Variants in CORO2B observed in about 807,000 individuals in gnomAD.
The protein encoded by CORO2B is coronin-2B.
CORO2B carries 26 observed loss-of-function variants against 58.8 expected under a neutral mutation model. The ratio of observed to expected loss-of-function variants is 0.44; its 90% CI spans 0.32 to 0.61. The LOEUF is 0.61. Ranked by LOEUF, CORO2B falls within the 20% of genes least tolerant of loss-of-function variation. The pLI, the probability that CORO2B is intolerant of heterozygous loss-of-function variation, is 0.04. For missense variants in CORO2B, 460 were observed against 645.1 expected (o/e 0.71, Z 3.11); for synonymous variants, 242 against 253.8 (o/e 0.95, Z 0.44).
At chr15:68,566,348 G>T in the CORO2B span, among the ~76,000 whole-genome samples, 19 of 152,162 alleles carry the variant, frequency 1.2e-4, no homozygotes, top group Non-Finnish European at 2.5e-4. Context: ...CACAGCTAGA[G>T]AGTAGGAGAA....
At chr15:68,549,387 T>G in the CORO2B span, among the ~76,000 whole-genome samples, 4 of 151,800 alleles carry the variant, frequency 2.6e-5, no homozygotes, top group Admixed American at 2.0e-4. Context: ...TTTTTTTAAT[T>G]GGTTGGTTGG....
At chr15:68,615,080 T>A (rs1390836968) in intron 1 of CORO2B, among the ~76,000 whole-genome samples, 1 of 152,174 alleles carries the variant, frequency 6.6e-6, no homozygotes, top group Admixed American at 6.5e-5. Flanking sequence ...GCATTGTGGG[T>A]GCCACAGCAG....
intron 2 of CORO2B, among the ~76,000 whole-genome samples, chr15:68,692,497 A>G: frequency 6.6e-6 from 1 of 151,822 alleles, no homozygotes; most frequent in Non-Finnish European, 1.5e-5. Context: ...AGACAGGAGA[A>G]TCGCTTGAAC....
intron 2 of CORO2B, among the ~76,000 whole-genome samples, chr15:68,692,084 C>T (rs1892392067): frequency 6.6e-6 from 1 of 152,188 alleles, no homozygotes; most frequent in South Asian, 2.1e-4. Flanking sequence ...CTAACAATGA[C>T]CAGTAGGGTT....
chr15:68,538,630 A>G, the CORO2B span, among the ~76,000 whole-genome samples: 1 of 152,202 alleles, frequency 6.6e-6, no homozygotes, highest in East Asian at 1.9e-4. Context: ...TCTCTTCATT[A>G]TTTTGATTTA....
intron 1 of CORO2B, among the ~76,000 whole-genome samples, chr15:68,591,483 G>A (rs1239932178): frequency 6.6e-6 from 1 of 152,218 alleles, no homozygotes; most frequent in African/African-American, 2.4e-5. Context: ...GCTTCATTGT[G>A]TGGTGTTGCT....
At chr15:68,556,189 C>T in the CORO2B span, among the ~76,000 whole-genome samples, 3 of 152,196 alleles carry the variant, frequency 2.0e-5, no homozygotes, top group Non-Finnish European at 4.4e-5. Flanking sequence ...GCCTCGTAAT[C>T]ACAGGATGAC....
intron 1 of CORO2B, among the ~76,000 whole-genome samples, chr15:68,602,879 C>T (rs1207946167): frequency 6.6e-6 from 1 of 152,196 alleles, no homozygotes; most frequent in Non-Finnish European, 1.5e-5. Flanking sequence ...CTGTACGAAT[C>T]TTGCAAGCAC....
Position 68,695,067 on chromosome 15 carries a change from G to A in CORO2B, c.217-73G>A. 29 of 1,102,610 alleles carry A rather than the reference G, an allele frequency of 2.6e-5. 1 individual carries two copies. The South Asian group carries it at 3.1e-4, about 12-fold the overall frequency. The allele number at this position is 1,102,610 out of a possible 1,614,324, so 68.3% of individuals were successfully genotyped here. ...GTCCAGTTGAGAGGCCCAGAAAAAAGGTGCTCCATTCAAGGCCACCCCAGG... is the reference window on the plus strand; with the variant it reads ...GTCCAGTTGAGAGGCCCAGAAAAAAAGTGCTCCATTCAAGGCCACCCCAGG... On this transcript the variant is annotated intron_variant, in intron 2 of 11. Transcript: ENST00000261861.
At chr15:68,721,768 GAC>G (rs1316752834) in intron 11 of CORO2B, among the ~76,000 whole-genome samples, 2 of 149,392 alleles carry the variant, frequency 1.3e-5, no homozygotes, top group African/African-American at 4.9e-5. Context: ...ATGTTTTAGA[GAC>G]AGAGTCCTGC....
chr15:68,573,529 C>T, the CORO2B span, among the ~76,000 whole-genome samples: 2 of 152,074 alleles, frequency 1.3e-5, no homozygotes, highest in South Asian at 2.1e-4. Context: ...GGGAAACGGG[C>T]ATCCCTGAGG....
chr15:68,637,614 C>T (rs1901071915), intron 1 of CORO2B, among the ~76,000 whole-genome samples: 1 of 152,212 alleles, frequency 6.6e-6, no homozygotes, highest in Non-Finnish European at 1.5e-5. Flanking sequence ...GGTCACATAG[C>T]TAGAGACCAA....
chr15:68,628,427 G>A (rs959442238), intron 1 of CORO2B, among the ~76,000 whole-genome samples: 3 of 152,208 alleles, frequency 2.0e-5, no homozygotes, highest in Non-Finnish European at 2.9e-5. Context: ...ACTAAGGAAG[G>A]CAGTATTTGC....
Position 68,618,141 on chromosome 15 carries a change from C to T in CORO2B, c.16-27019C>T, listed in dbSNP as rs145619115. Among the ~76,000 whole-genome samples, 964 of 152,248 alleles carry T rather than the reference C, an allele frequency of 6.3e-3. 15 individuals carry two copies. Among genetic ancestry groups the T allele is most frequent in the African/African-American group, 0.022 (904 of 41,546 alleles). On this transcript the variant is annotated intron_variant, in intron 1 of 11. Transcript: ENST00000261861. ...CAATACACACACATGCATACACACA[C>T]ACACACACAAATACATGTTATATAT...
chr15:68,544,476 C>T, the CORO2B span, among the ~76,000 whole-genome samples: 4 of 152,148 alleles, frequency 2.6e-5, no homozygotes, highest in African/African-American at 4.8e-5. Flanking sequence ...TGTTTGAATA[C>T]CATGTGATGG....
chr15:68,723,528 C>T (rs1473034682), intron 11 of CORO2B, among the ~76,000 whole-genome samples: 5 of 151,982 alleles, frequency 3.3e-5, no homozygotes, highest in African/African-American at 1.2e-4. Context: ...GATCTCGGCT[C>T]ACTGCAACCT....
chr15:68,600,809 C>T (rs767031160), intron 1 of CORO2B, among the ~76,000 whole-genome samples: 15 of 152,226 alleles, frequency 9.9e-5, no homozygotes, highest in Non-Finnish European at 1.9e-4. Flanking sequence ...GGCCCTTGAG[C>T]CCCTCAGTCT....
At chr15:68,602,706 G>C (rs1171417324) in intron 1 of CORO2B, among the ~76,000 whole-genome samples, 1 of 152,102 alleles carries the variant, frequency 6.6e-6, no homozygotes, top group African/African-American at 2.4e-5. Context: ...ATAGATGTGA[G>C]GTGTGACTGC....
intron 2 of CORO2B, among the ~76,000 whole-genome samples, chr15:68,665,497 T>G (rs944897228): frequency 6.6e-6 from 1 of 151,112 alleles, no homozygotes; most frequent in African/African-American, 2.4e-5. Context: ...TAGGATCTGC[T>G]TATATAGATA....
Sources: gnomAD v4.1 joint callset for allele counts (sites outside exome capture counted in the v4.1 genomes callset) on GRCh38, gnomAD v4.1.1 for gene constraint, MANE v1.5 for transcripts, NCBI Gene and HGNC (gene_info 2026-07-23, HGNC 2026-07-21) for gene names.